The following DPP6 variants were observed in gnomAD, a reference collection of about 807,000 sequenced individuals.
DPP6 encodes A-type potassium channel modulatory protein DPP6.
In DPP6, 69 loss-of-function variants were observed where a neutral mutation model predicts 122.6. That is an observed-to-expected ratio of 0.56 (90% CI 0.46 to 0.69). The LOEUF (loss-of-function observed/expected upper bound fraction) is 0.69. Among genes scored for constraint, DPP6 ranks in the 30% least tolerant of loss-of-function variants. The probability of loss-of-function intolerance (pLI) is 0.00; values close to 1 mark genes in which losing one functional copy is unlikely to be tolerated. For synonymous variants in DPP6, 418 were observed against 433.1 expected, an observed-to-expected ratio of 0.97 and a Z score of 0.43; for missense variants, 928 against 1,116.9, an observed-to-expected ratio of 0.83 and a Z score of 2.41.
chr7:154,202,256 C>G (rs1223429918), intron 1 of DPP6, among the ~76,000 whole-genome samples: 2 of 152,098 alleles, frequency 1.3e-5, no homozygotes, highest in East Asian at 3.9e-4. Context: ...ATAGGGTTTA[C>G]AGTCAGTTAA....
At chr7:154,172,372 G>C (rs997543682) in intron 1 of DPP6, among the ~76,000 whole-genome samples, 3 of 152,172 alleles carry the variant, frequency 2.0e-5, no homozygotes, top group Non-Finnish European at 2.9e-5. Context: ...TGAGCAGCCT[G>C]CCCCGCCTCC....
At chr7:154,234,146 G>A (rs1359257103) in intron 1 of DPP6, among the ~76,000 whole-genome samples, 1 of 152,190 alleles carries the variant, frequency 6.6e-6, no homozygotes, top group Non-Finnish European at 1.5e-5. Context: ...GGCCCATGTA[G>A]CCTCTCAACA....
chr7:154,806,105 A>G (rs559207763), intron 15 of DPP6, among the ~76,000 whole-genome samples: 2 of 152,166 alleles, frequency 1.3e-5, no homozygotes, highest in East Asian at 1.9e-4. Context: ...CATCGTCACC[A>G]TGTGTCTACT....
Position 154,063,428 on chromosome 7 carries a change from C to T in DPP6, c.243+10365C>T, listed in dbSNP as rs1430600971. 3.9e-5 allele frequency among the ~76,000 whole-genome samples: 5 copies of T among 129,044 alleles called. 1 individual carries two copies. The highest frequency in any genetic ancestry group is 8.5e-5 in the Non-Finnish European group (5 of 59,096). 84.7% of individuals were successfully genotyped at this position (129,044 alleles called of 152,430 possible). A position where few individuals can be genotyped will look rare whatever the true frequency, so the allele number is the denominator to read the frequency against. On this transcript the variant is annotated intron_variant, in intron 1 of 25. Coordinates refer to ENST00000377770, the MANE Select transcript of DPP6 (RefSeq NM_130797.4). ...CCTCTTCCGCCCCTGGCTGTTGGTA[C>T]CCCCATCGCAAGGGGGGGAGGCACC...
At chr7:154,670,090 C>A (rs1233409326) in intron 7 of DPP6, among the ~76,000 whole-genome samples, 7 of 152,158 alleles carry the variant, frequency 4.6e-5, no homozygotes, top group African/African-American at 1.7e-4. Flanking sequence ...AAACTCCTGA[C>A]CTCAGGCAAT....
Position 154,887,728 on chromosome 7 carries a change from A to T in DPP6, c.2298A>T (p.Ala766=). Residue 766 remains alanine, a synonymous_variant, in exon 23 of 26, where the codon GCA becomes GCT. Coordinates refer to ENST00000377770, the MANE Select transcript of DPP6 (RefSeq NM_130797.4). ...YLGLHGLDNR[A]YEMTKVAHRV... is the part of the protein sequence containing the mutation. The stretch of plus-strand genomic sequence containing the variant: ...GCCTCCATGGACTTGACAACAGAGC[A>T]TACGAGGTGTGTATGGGCACAACTA... The T allele has an allele frequency of 6.2e-7, 1 of 1,613,902 alleles. No homozygotes were observed. The highest frequency in any genetic ancestry group is 8.5e-7 in the Non-Finnish European group (1 of 1,179,794).
chr7:154,053,904 A>T (rs1009498714), intron 1 of DPP6, among the ~76,000 whole-genome samples: 1 of 147,612 alleles, frequency 6.8e-6, no homozygotes, highest in Non-Finnish European at 1.5e-5. Context: ...CCTTAGATGG[A>T]TGCGTTTAAC....
At chr7:154,225,017 C>G (rs1470054946) in intron 1 of DPP6, among the ~76,000 whole-genome samples, 2 of 152,056 alleles carry the variant, frequency 1.3e-5, no homozygotes, top group Non-Finnish European at 2.9e-5. Flanking sequence ...TGGCACATAC[C>G]TATGATTTCA....
chr7:154,340,452 C>A (rs1298126561), intron 1 of DPP6, among the ~76,000 whole-genome samples: 2 of 152,202 alleles, frequency 1.3e-5, no homozygotes, highest in Non-Finnish European at 2.9e-5. Context: ...GTGTGGCCGT[C>A]TTGAAGGAAA....
chr7:154,180,432 T>C (rs920821728), intron 1 of DPP6, among the ~76,000 whole-genome samples: 1 of 145,296 alleles, frequency 6.9e-6, no homozygotes, highest in African/African-American at 2.5e-5. Flanking sequence ...TAATATATAA[T>C]ATATATACAC....
At chr7:154,478,815 T>G (rs74492600) in intron 3 of DPP6, among the ~76,000 whole-genome samples, 3,354 of 152,292 alleles carry the variant, frequency 0.022, 142 homozygotes, top group African/African-American at 0.077. Flanking sequence ...TCCGAACAGT[T>G]CAGAATAATT....
intron 8 of DPP6, among the ~76,000 whole-genome samples, chr7:154,750,242 G>A (rs1230376117): frequency 6.6e-6 from 1 of 152,204 alleles, no homozygotes; most frequent in Non-Finnish European, 1.5e-5. Context: ...ATCCGTAGAT[G>A]AACACCCTCG....
intron 1 of DPP6, among the ~76,000 whole-genome samples, chr7:153,975,524 A>G (rs2129035424): frequency 6.6e-6 from 1 of 151,754 alleles, no homozygotes; most frequent in East Asian, 1.9e-4. Flanking sequence ...TTGAACTAAG[A>G]GAGAAAACTA....
chr7:153,766,632 A>G, the DPP6 span, among the ~76,000 whole-genome samples: 1 of 152,168 alleles, frequency 6.6e-6, no homozygotes, highest in Admixed American at 6.5e-5. Context: ...GCAAATTTAT[A>G]TTGCTGAATG....
chr7:154,254,676 G>C (rs1372362526), intron 1 of DPP6, among the ~76,000 whole-genome samples: 2 of 152,134 alleles, frequency 1.3e-5, no homozygotes, highest in Admixed American at 1.3e-4. Flanking sequence ...TGTATGGGTA[G>C]TAAGTGGATT....
intron 3 of DPP6, among the ~76,000 whole-genome samples, chr7:154,526,503 A>T (rs1056052803): frequency 2.0e-5 from 3 of 152,232 alleles, no homozygotes; most frequent in African/African-American, 7.2e-5. Flanking sequence ...ATATGTGGTT[A>T]CTGAGAACTT....
intron 3 of DPP6, among the ~76,000 whole-genome samples, chr7:154,537,792 A>G (rs1271927873): frequency 6.6e-6 from 1 of 151,832 alleles, no homozygotes; most frequent in Non-Finnish European, 1.5e-5. Flanking sequence ...GAGGAGAGGG[A>G]AGAGGAGAGG....
the DPP6 span, among the ~76,000 whole-genome samples, chr7:153,841,457 C>T: frequency 6.6e-6 from 1 of 152,256 alleles, no homozygotes; most frequent in East Asian, 1.9e-4. Flanking sequence ...GTTCAGGCCG[C>T]TCGAACTCAT....
At chr7:153,897,805 C>A (rs964721386) in intron 1 of DPP6, among the ~76,000 whole-genome samples, 1 of 152,146 alleles carries the variant, frequency 6.6e-6, no homozygotes, top group African/African-American at 2.4e-5. Flanking sequence ...TACTGTTTTC[C>A]ACAGTGGCTG....
Sources: gnomAD v4.1 joint callset for allele counts (sites outside exome capture counted in the v4.1 genomes callset) on GRCh38, gnomAD v4.1.1 for gene constraint, MANE v1.5 for transcripts, NCBI Gene and HGNC (gene_info 2026-07-23, HGNC 2026-07-21) for gene names.